PCSK5: variants seen among roughly 807,000 people sequenced by gnomAD.
The protein encoded by PCSK5 is prohormone convertase 5.
PCSK5 carries 129 observed loss-of-function variants against 233.2 expected under a neutral mutation model. That is an observed-to-expected ratio of 0.55 (90% CI 0.48 to 0.64). PCSK5 has a LOEUF of 0.64. Ranked by LOEUF, PCSK5 falls within the 30% of genes least tolerant of loss-of-function variation. PCSK5 has a pLI of 0.00. For synonymous variants in PCSK5, 825 were observed against 879.2 expected (o/e 0.94, Z 1.09); for missense variants, 2,076 against 2,430.1 (o/e 0.85, Z 3.06).
chr9:76,230,921 A>T (rs1826060067), intron 21 of PCSK5, among the ~76,000 whole-genome samples: 1 of 152,240 alleles, frequency 6.6e-6, no homozygotes, highest in African/African-American at 2.4e-5. Context: ...CAATGTAATA[A>T]TAATAGAAAT....
intron 9 of PCSK5, among the ~76,000 whole-genome samples, chr9:76,125,901 G>C (rs1306580078): frequency 6.6e-6 from 1 of 152,120 alleles, no homozygotes; most frequent in Non-Finnish European, 1.5e-5. Context: ...AATGATGCAG[G>C]ACTAGCAATC....
intron 3 of PCSK5, among the ~76,000 whole-genome samples, chr9:76,012,228 A>G (rs1827756914): frequency 6.6e-6 from 1 of 152,248 alleles, no homozygotes. Flanking sequence ...GTAAACCATT[A>G]TGCAATAGAT....
intron 7 of PCSK5, among the ~76,000 whole-genome samples, chr9:76,086,612 T>C (rs1265182045): frequency 6.6e-6 from 1 of 152,176 alleles, no homozygotes; most frequent in Non-Finnish European, 1.5e-5. Flanking sequence ...GAAGGTTGTT[T>C]TATTTTGTTT....
intron 1 of PCSK5, among the ~76,000 whole-genome samples, chr9:75,914,254 T>G (rs1822883712): frequency 2.0e-5 from 3 of 152,188 alleles, no homozygotes; most frequent in Admixed American, 6.5e-5. Context: ...TATGACGAAG[T>G]TCCATAAAAT....
intron 8 of PCSK5, among the ~76,000 whole-genome samples, chr9:76,103,774 A>T (rs888696183): frequency 6.6e-6 from 1 of 152,168 alleles, no homozygotes; most frequent in African/African-American, 2.4e-5. Context: ...TCCAGTTTCC[A>T]TCACTCTGAT....
Position 76,340,143 on chromosome 9 carries a change from T to C in PCSK5, c.4966+1696T>C, listed in dbSNP as rs1366396792. 3.3e-5 allele frequency among the ~76,000 whole-genome samples: 5 copies of C among 152,174 alleles called. No homozygotes were observed. The East Asian group carries it at 9.6e-4, about 29-fold the overall frequency. On this transcript the variant is annotated intron_variant, in intron 35 of 37. Coordinates refer to ENST00000674117, the MANE Select transcript of PCSK5 (RefSeq NM_001372043.1). ...CTGCTTTATCATGGAAATTTTACAC[T>C]ACATTTTAATTAAACAAGTCCATCC...
chr9:75,929,990 G>A (rs1055906788), intron 1 of PCSK5, among the ~76,000 whole-genome samples: 3 of 151,950 alleles, frequency 2.0e-5, no homozygotes, highest in African/African-American at 7.2e-5. Context: ...AGCCTCCTGA[G>A]TAGCTGGGAT....
chr9:76,159,909 G>A (rs556433639), intron 12 of PCSK5, among the ~76,000 whole-genome samples: 2 of 136,800 alleles, frequency 1.5e-5, no homozygotes, highest in African/African-American at 2.8e-5. Flanking sequence ...TGCAGTCATC[G>A]CCTCCCAGGT....
At chr9:75,997,195 G>T (rs1166921010) in intron 3 of PCSK5, among the ~76,000 whole-genome samples, 1 of 152,136 alleles carries the variant, frequency 6.6e-6, no homozygotes, top group African/African-American at 2.4e-5. Flanking sequence ...ACTTCTGAAA[G>T]GTGATTTTGC....
intron 5 of PCSK5, among the ~76,000 whole-genome samples, chr9:76,049,000 C>T (rs1008146476): frequency 1.3e-5 from 2 of 151,878 alleles, no homozygotes; most frequent in Non-Finnish European, 2.9e-5. Context: ...CATATTTATC[C>T]TTTATGCCTA....
intron 33 of PCSK5, among the ~76,000 whole-genome samples, chr9:76,331,591 CG>C (rs1400056645): frequency 6.6e-6 from 1 of 150,688 alleles, no homozygotes; most frequent in Non-Finnish European, 1.5e-5. Context: ...GGTGTGAACC[CG>C]GAAGGTGGAG....
chr9:76,191,123 T>C (rs1824354021), intron 20 of PCSK5, among the ~76,000 whole-genome samples: 1 of 152,220 alleles, frequency 6.6e-6, no homozygotes, highest in African/African-American at 2.4e-5. Context: ...TATGCAGATA[T>C]TACATGCCAA....
intron 33 of PCSK5, among the ~76,000 whole-genome samples, chr9:76,329,396 G>A (rs1228210615): frequency 6.6e-6 from 1 of 151,692 alleles, no homozygotes; most frequent in Admixed American, 6.6e-5. Context: ...CTGGGCTCTA[G>A]CTATTCTCCT....
chr9:75,997,570 G>C (rs1827075953), intron 3 of PCSK5, among the ~76,000 whole-genome samples: 1 of 152,192 alleles, frequency 6.6e-6, no homozygotes, highest in South Asian at 2.1e-4. Flanking sequence ...CTCCACAGCA[G>C]ATGAAGTGAA....
intron 12 of PCSK5, among the ~76,000 whole-genome samples, chr9:76,161,821 A>G (rs192063423): frequency 2.5e-4 from 38 of 152,330 alleles, no homozygotes; most frequent in African/African-American, 7.0e-4. Context: ...AGTGCTGAAC[A>G]CAAGAGTGCT....
At chr9:76,318,449 C>A (rs1829094178) in intron 30 of PCSK5, among the ~76,000 whole-genome samples, 1 of 151,048 alleles carries the variant, frequency 6.6e-6, no homozygotes, top group Non-Finnish European at 1.5e-5. Context: ...TGCACATGTA[C>A]CGCAGAATTT....
chr9:76,142,632 T>C (rs1335727543), intron 10 of PCSK5, among the ~76,000 whole-genome samples: 1 of 152,182 alleles, frequency 6.6e-6, no homozygotes, highest in African/African-American at 2.4e-5. Flanking sequence ...TAATAAAACA[T>C]ATTCAGTTAA....
At chr9:75,982,694 T>C (rs1296885138) in intron 2 of PCSK5, among the ~76,000 whole-genome samples, 2 of 152,104 alleles carry the variant, frequency 1.3e-5, no homozygotes, top group Non-Finnish European at 2.9e-5. Flanking sequence ...TAGACTTTTG[T>C]TATGGTAAGA....
At chr9:76,347,948 A>C (rs989118234) in intron 35 of PCSK5, among the ~76,000 whole-genome samples, 4 of 151,566 alleles carry the variant, frequency 2.6e-5, no homozygotes, top group Non-Finnish European at 5.9e-5. Flanking sequence ...ATATGTATAC[A>C]ATGTGGAATA....
Sources: allele counts gnomAD v4.1 joint callset (sites outside exome capture counted in the v4.1 genomes callset), GRCh38; gene constraint gnomAD v4.1.1; transcripts MANE v1.5; gene names NCBI Gene and HGNC (gene_info 2026-07-23, HGNC 2026-07-21).